The following KCNAB2 variants were observed in gnomAD, a reference collection of about 807,000 sequenced individuals.
KCNAB2 encodes potassium voltage-gated channel subfamily A regulatory beta subunit 2, also known as voltage-gated potassium channel subunit beta-2.
In KCNAB2, 29 loss-of-function variants were observed where a neutral mutation model predicts 63.6. The ratio of observed to expected loss-of-function variants is 0.46; its 90% CI spans 0.34 to 0.62. The LOEUF (loss-of-function observed/expected upper bound fraction) is 0.62. KCNAB2 is among the 20% of genes least tolerant of loss of function. The pLI is 0.01. For synonymous variants in KCNAB2, 222 were observed against 224.2 expected, an observed-to-expected ratio of 0.99 and a Z score of 0.09; for missense variants, 359 against 563.9, an observed-to-expected ratio of 0.64 and a Z score of 3.68.
Position 6,003,320 on chromosome 1 carries a change from G to A in KCNAB2, c.-53+10532G>A, listed in dbSNP as rs1657368190. ...TTGCTTTCCCTGCTTCCCACACACA[G>A]ATCCTCCCCACCAGAGCAGGGTCAT... On this transcript the variant is annotated intron_variant, in intron 1 of 16. Transcript: ENST00000341524. This position sits in a 1 kb window ranked among gnomAD's most constrained non-coding sequence, Gnocchi z 4.1. 6.6e-6 allele frequency among the ~76,000 whole-genome samples: 1 copy of A among 152,170 alleles called. No homozygotes were observed. The highest frequency in any genetic ancestry group is 6.5e-5 in the Admixed American group (1 of 15,284).
chr1:6,006,930 A>C (rs1657829699), intron 1 of KCNAB2, among the ~76,000 whole-genome samples: 2 of 152,198 alleles, frequency 1.3e-5, no homozygotes, highest in Admixed American at 1.3e-4. Flanking sequence ...CAGCCTGTGT[A>C]AGATGAGCAC....
chr1:6,016,718 T>C (rs1263626364), intron 1 of KCNAB2, among the ~76,000 whole-genome samples: 2 of 152,298 alleles, frequency 1.3e-5, no homozygotes, highest in Middle Eastern at 3.4e-3. Context: ...AGTGACGCTA[T>C]GGAGCATGGA....
chr1:6,020,795 TA>T (rs1373151997), intron 1 of KCNAB2, among the ~76,000 whole-genome samples: 2 of 152,158 alleles, frequency 1.3e-5, no homozygotes, highest in African/African-American at 4.8e-5. Context: ...GCCTCCTGAG[TA>T]GCTGGGATTA....
Position 6,098,766 on chromosome 1 carries a change from G to A in KCNAB2, c.*192G>A, listed in dbSNP as rs1015606871. 2 of 684,438 alleles carry A rather than the reference G, an allele frequency of 2.9e-6. No individual in the cohort carries two copies. Among genetic ancestry groups the A allele is most frequent in the Non-Finnish European group, 4.8e-6 (2 of 419,916 alleles). The allele number at this position is 684,438 out of a possible 1,614,324, so 42.4% of individuals were successfully genotyped here. ...CACTGCTTCGCCGGACAATGTCGAA[G>A]TCCAGTCTGTGCCGGGGAAGGCACT... On this transcript the variant is annotated 3_prime_UTR_variant, in exon 16 of 16. Coordinates refer to ENST00000378083, the MANE Select transcript of KCNAB2 (RefSeq NM_001199862.2).
chr1:6,076,235 G>A (rs1280538248), intron 4 of KCNAB2, among the ~76,000 whole-genome samples: 4 of 152,220 alleles, frequency 2.6e-5, no homozygotes, highest in Non-Finnish European at 5.9e-5. Flanking sequence ...CAAACCACCT[G>A]GTGAGGCAGG....
Position 6,087,325 on chromosome 1 carries a change from G to C in KCNAB2, c.426-142G>C. On this transcript the variant is annotated intron_variant, in intron 6 of 15. Transcript: ENST00000378083. This position sits in a 1 kb window ranked among gnomAD's most constrained non-coding sequence, Gnocchi z 6.4. ...GGCACGTGGTACACATCATATGATG[G>C]AGAAGTGCCCATTTCATGCCCCAGG... The C allele has an allele frequency of 1.1e-6, 1 of 873,578 alleles. No homozygotes were observed. Among genetic ancestry groups the C allele is most frequent in the Middle Eastern group, 2.3e-4 (1 of 4,346 alleles). 54.1% of individuals were successfully genotyped at this position (873,578 alleles called of 1,614,324 possible).
Position 5,994,948 on chromosome 1 carries a change from G to A in KCNAB2, c.-53+2160G>A, listed in dbSNP as rs144490671. ...CCTTCCTGTGTGTTGGTGCTCTGCC[G>A]TGGTAACTGGGAACACATCATCTGT... On this transcript the variant is annotated intron_variant, in intron 1 of 16. Transcript: ENST00000341524. The surrounding 1 kb of genome is among the most constrained non-coding windows in gnomAD (Gnocchi z 5.4). Among the ~76,000 whole-genome samples the A allele has an allele frequency of 2.4e-4, 36 of 152,310 alleles. 2 individuals carry two copies. Among genetic ancestry groups the A allele is most frequent in the East Asian group, 1.5e-3 (8 of 5,188 alleles).
intron 1 of KCNAB2, chr1:6,027,598 G>C (rs1413092747): frequency 6.6e-6 from 1 of 152,236 alleles, no homozygotes; most frequent in Non-Finnish European, 1.5e-5. Context: ...AATGTGGACT[G>C]TTCTTGCAAA....
chr1:6,046,063 G>A lies in KCNAB2; in HGVS notation c.-147G>A. The stretch of plus-strand genomic sequence containing the variant: ...CTCATCTCATTCACCAATTGCTTCT[G>A]ACGTCCTGCAGTGACACTCCCTAAT... On this transcript the variant is annotated 5_prime_UTR_variant, in exon 1 of 16. An upstream open reading frame in the 5' UTR loses its in-frame stop. Coordinates refer to ENST00000378083, the MANE Select transcript of KCNAB2 (RefSeq NM_001199862.2). The A allele has an allele frequency of 1.0e-6, 1 of 985,420 alleles. No homozygotes were observed. Among genetic ancestry groups the A allele is most frequent in the African/African-American group, 1.7e-5 (1 of 57,366 alleles). 61.0% of individuals were successfully genotyped at this position (985,420 alleles called of 1,614,324 possible). A position where few individuals can be genotyped will look rare whatever the true frequency, so the allele number is the denominator to read the frequency against.
rs989608224 is a variant in KCNAB2 at position 6,013,892 on chromosome 1, C to T, written c.-53+21104C>T. Among the ~76,000 whole-genome samples, 15 of 152,192 alleles carry T rather than the reference C, an allele frequency of 9.9e-5. No individual in the cohort carries two copies. In the East Asian group the frequency reaches 2.7e-3, roughly 28 times the overall value. ...CCCTACGAGGAGGCCTTTGGCTGTT[C>T]CCGTATTTGTCTCTGGACTTCTCTG... On this transcript the variant is annotated intron_variant, in intron 1 of 16. Transcript: ENST00000341524.
At chr1:6,041,840 T>C (rs761148259), upstream of KCNAB2, 32 of 1,613,774 alleles carry the variant, frequency 2.0e-5, no homozygotes, top group South Asian at 2.5e-4. Context: ...GTACTCGGTA[T>C]GGGAGTCCCA....
chr1:6,100,125 C>A lies in KCNAB2; in HGVS notation c.*1551C>A. 1 of 1,424,878 alleles carries A rather than the reference C, an allele frequency of 7.0e-7. No individual in the cohort carries two copies. The highest frequency in any genetic ancestry group is 1.5e-5 in the South Asian group (1 of 65,732). 88.3% of individuals were successfully genotyped at this position (1,424,878 alleles called of 1,614,324 possible). ...AGCCACTATTCCAGAAGGCTCCACC[C>A]TGCCGTCCTGCGGGAGCCTGCTGTC... On this transcript the variant is annotated 3_prime_UTR_variant, in exon 16 of 16. Coordinates refer to ENST00000378083, the MANE Select transcript of KCNAB2 (RefSeq NM_001199862.2).
chr1:6,000,176 C>T (rs1657168209), intron 1 of KCNAB2, among the ~76,000 whole-genome samples: 1 of 150,130 alleles, frequency 6.7e-6, no homozygotes, highest in African/African-American at 2.5e-5. Flanking sequence ...TCAGCCAGCC[C>T]CCCGCACCCC....
chr1:6,097,336 G>A lies in KCNAB2; in HGVS notation c.1137G>A (p.Met379Ile). 2 of 1,552,640 alleles carry A rather than the reference G, an allele frequency of 1.3e-6. No homozygotes were observed. The highest frequency in any genetic ancestry group is 2.4e-5 in the South Asian group (2 of 84,200). Reference sequence around the variant, plus strand: ...GGGCCTCCAATGCGGACCAGCTCATGGAGAACATTGGGGCAATACAGGTAA... The same window carrying A: ...GGGCCTCCAATGCGGACCAGCTCATAGAGAACATTGGGGCAATACAGGTAA... ...LLGASNADQL[M>I]ENIGAIQVLP... The change falls in exon 15 of 16, where the codon ATG becomes ATA. Residue 379 changes from methionine to isoleucine, a missense_variant. Physicochemically the swap from Met to Ile is conservative, Grantham distance 10. Around this residue, in one of 2 missense-constraint regions of KCNAB2, gnomAD observed 271 missense variants for 476.1 expected, o/e 0.57. Transcript: ENST00000378083.
At position 6,099,237 on chromosome 1, in the gene KCNAB2, C is replaced by T. The variant is rs923990049; in HGVS notation, c.*663C>T. 5.2e-5 allele frequency: 8 copies of T among 153,200 alleles called. No individual in the cohort carries two copies. Among genetic ancestry groups the T allele is most frequent in the African/African-American group, 1.9e-4 (8 of 41,480 alleles). 9.5% of individuals were successfully genotyped at this position (153,200 alleles called of 1,614,324 possible). Reference sequence around the variant, plus strand: ...CAAGCTCGAGCTGGCCCTTGACCCCCACCCACCCCCACCCTTGCTGGCAGG... The same window carrying T: ...CAAGCTCGAGCTGGCCCTTGACCCCTACCCACCCCCACCCTTGCTGGCAGG... On this transcript the variant is annotated 3_prime_UTR_variant, in exon 16 of 16. Transcript: ENST00000378083.
chr1:6,023,348 G>A (rs913340661), intron 1 of KCNAB2, among the ~76,000 whole-genome samples: 7 of 152,142 alleles, frequency 4.6e-5, no homozygotes, highest in African/African-American at 7.2e-5. Flanking sequence ...ATAGTAATTC[G>A]ACTTTTAGTT....
chr1:6,012,675 G>A (rs1434928273), intron 1 of KCNAB2, among the ~76,000 whole-genome samples: 1 of 151,300 alleles, frequency 6.6e-6, no homozygotes, highest in Non-Finnish European at 1.5e-5. Flanking sequence ...GGTGGAGGTG[G>A]AGATGGAGGT....
intron 1 of KCNAB2, among the ~76,000 whole-genome samples, chr1:6,050,026 C>T (rs1570957382): frequency 6.6e-6 from 1 of 152,190 alleles, no homozygotes; most frequent in East Asian, 1.9e-4. Context: ...TGGGTCTTTC[C>T]TTTGGCCCCT....
chr1:6,098,475 T>A lies in KCNAB2; in HGVS notation c.1159-10T>A. The A allele has an allele frequency of 6.2e-7, 1 of 1,613,688 alleles. No individual in the cohort carries two copies. The highest frequency in any genetic ancestry group is 8.5e-7 in the Non-Finnish European group (1 of 1,179,806). On this transcript the variant is annotated splice_polypyrimidine_tract_variant and intron_variant, in intron 15 of 15. Transcript: ENST00000378083. ...GTGGGATTCTGATTTGTTGTTGTTCTTGCACGCAGGTCCTTCCGAAACTGT... is the reference window on the plus strand; with the variant it reads ...GTGGGATTCTGATTTGTTGTTGTTCATGCACGCAGGTCCTTCCGAAACTGT...
Sources: gnomAD v4.1 joint callset for allele counts (sites outside exome capture counted in the v4.1 genomes callset) on GRCh38, gnomAD v4.1.1 for gene constraint, gnomAD v4.1.1 regional missense constraint, Gnocchi (gnomAD v3.1) non-coding constraint, MANE v1.5 for transcripts, NCBI Gene and HGNC (gene_info 2026-07-23, HGNC 2026-07-21) for gene names.